The following PCDHGB3 variants were observed in gnomAD, a reference collection of about 807,000 sequenced individuals.
PCDHGB3 encodes protocadherin gamma-B3.
A neutral mutation model predicts 59.2 loss-of-function variants in PCDHGB3; 40 were observed. That is an observed-to-expected ratio of 0.68 (90% CI 0.52 to 0.88). The LOEUF is 0.88. Among genes scored for constraint, PCDHGB3 ranks in the 40% least tolerant of loss-of-function variants. The pLI is 0.00. For synonymous variants in PCDHGB3, 581 were observed against 503.6 expected (o/e 1.15, Z -2.06); for missense variants, 1,309 against 1,187.9 (o/e 1.10, Z -1.50).
At chr5:141,403,876 T>A (rs1189942027) in intron 1 of PCDHGB3, 3 of 1,613,702 alleles carry the variant, frequency 1.9e-6, no homozygotes, top group African/African-American at 1.3e-5. Flanking sequence ...AAAGTCTAGA[T>A]TATGAAGAAT....
chr5:141,417,884 C>A, intron 1 of PCDHGB3: 2 of 1,561,600 alleles, frequency 1.3e-6, no homozygotes, highest in East Asian at 2.4e-5. Flanking sequence ...CGCGCAGAGG[C>A]GCCGGGCCGG....
rs188874944 is a variant in PCDHGB3, at chr5:141,446,708, C to T, written c.2416-48099C>T. Among the ~76,000 whole-genome samples, 183 of 152,314 alleles carry T rather than the reference C, an allele frequency of 1.2e-3. 1 individual carries two copies. The highest frequency in any genetic ancestry group is 2.1e-3 in the Admixed American group (32 of 15,302). On this transcript the variant is annotated intron_variant, in intron 1 of 3. Coordinates refer to ENST00000576222, the MANE Select transcript of PCDHGB3 (RefSeq NM_018924.5). ...GGCCAGGCTGGTCTCGAACTCTGAT[C>T]TGCCCGCCTCGGCCTCCCAAAGTGT...
chr5:141,429,048 G>A (rs2097180589), intron 1 of PCDHGB3: 5 of 152,064 alleles, frequency 3.3e-5, no homozygotes, highest in Admixed American at 3.3e-4. Context: ...TACAGACGGG[G>A]TTTCACCGTG....
At chr5:141,506,923 C>T (rs1414595306) in intron 3 of PCDHGB3, among the ~76,000 whole-genome samples, 4 of 152,184 alleles carry the variant, frequency 2.6e-5, no homozygotes, top group African/African-American at 9.7e-5. Context: ...ACATACTAAA[C>T]AAACTTTAGG....
intron 1 of PCDHGB3, among the ~76,000 whole-genome samples, chr5:141,474,075 C>T (rs2099339724): frequency 6.6e-6 from 1 of 151,902 alleles, no homozygotes; most frequent in African/African-American, 2.4e-5. Flanking sequence ...GCCTCAGAAA[C>T]AAAAACCAAA....
At position 141,370,659 on chromosome 5, in the gene PCDHGB3, C is replaced by G; in HGVS notation, c.265C>G (p.Arg89Gly). The G allele has an allele frequency of 6.2e-7, 1 of 1,613,780 alleles. No homozygotes were observed. Among genetic ancestry groups the G allele is most frequent in the Non-Finnish European group, 8.5e-7 (1 of 1,179,876 alleles). ...AAATGGGAACTTACTTGTGAGCGACCGTATAGACCGAGAGGAGATTTGTGG... is the reference window on the plus strand; with the variant it reads ...AAATGGGAACTTACTTGTGAGCGACGGTATAGACCGAGAGGAGATTTGTGG... ...PENGNLLVSD[R>G]IDREEICGKK... The change falls in exon 1 of 4, where the codon CGT becomes GGT. Residue 89 changes from arginine (R) to glycine (G), a missense_variant. Arg to Gly is a moderately radical substitution (Grantham distance 125). Transcript: ENST00000576222.
rs188066304 is a variant in PCDHGB3, at chr5:141,450,907, C to T, written c.2416-43900C>T. On this transcript the variant is annotated intron_variant, in intron 1 of 3. Coordinates refer to ENST00000576222, the MANE Select transcript of PCDHGB3 (RefSeq NM_018924.5). ...TGGTGCGATATCGGCTCACTGCAAC[C>T]GCTGCCTCCCAGATTCAAGCAATTC... is the stretch of plus-strand genomic sequence containing the variant. 6.7e-3 allele frequency among the ~76,000 whole-genome samples: 1,004 copies of T among 150,024 alleles called. 12 individuals carry two copies. The highest frequency in any genetic ancestry group is 0.024 in the African/African-American group (970 of 40,702).
Position 141,409,135 on chromosome 5 carries a change from T to C in PCDHGB3, c.2415+36326T>C, listed in dbSNP as rs748247175. 3.1e-6 allele frequency: 5 copies of C among 1,614,026 alleles called. No homozygotes were observed. In the South Asian group the frequency reaches 3.3e-5, roughly 11 times the overall value. On this transcript the variant is annotated intron_variant, in intron 1 of 3. Coordinates refer to ENST00000576222, the MANE Select transcript of PCDHGB3 (RefSeq NM_018924.5). ...ATAACCAGTCATTTGATTTTGAAGA[T>C]GTAGAAAGGTACACCATGGAAGTGG...
intron 1 of PCDHGB3, among the ~76,000 whole-genome samples, chr5:141,484,202 T>C (rs2099593138): frequency 6.6e-6 from 1 of 152,214 alleles, no homozygotes; most frequent in Non-Finnish European, 1.5e-5. Context: ...ATTAAATCTA[T>C]GAACATTAGC....
rs551289441 is a variant in PCDHGB3, at chr5:141,444,102, C to T, written c.2416-50705C>T. ...TGAAAAGTCTGCTAAGGATTGGAAACCAAGAAAAGTGAAGTATCTCAACAG... is the reference window on the plus strand; with the variant it reads ...TGAAAAGTCTGCTAAGGATTGGAAATCAAGAAAAGTGAAGTATCTCAACAG... On this transcript the variant is annotated intron_variant, in intron 1 of 3. Coordinates refer to ENST00000576222, the MANE Select transcript of PCDHGB3 (RefSeq NM_018924.5). Among the ~76,000 whole-genome samples the T allele has an allele frequency of 1.5e-3, 216 of 144,128 alleles. 1 individual carries two copies. Among genetic ancestry groups the T allele is most frequent in the African/African-American group, 5.4e-3 (211 of 38,798 alleles). 94.6% of individuals were successfully genotyped at this position (144,128 alleles called of 152,430 possible).
At position 141,415,832 on chromosome 5, in the gene PCDHGB3, T is replaced by C. The variant is rs995620508; in HGVS notation, c.2415+43023T>C. On this transcript the variant is annotated intron_variant, in intron 1 of 3. Coordinates refer to ENST00000576222, the MANE Select transcript of PCDHGB3 (RefSeq NM_018924.5). ...GCCTATATATCATAAGGCTTTGTTA[T>C]GATTAGCTTTGCAGAACCTTGTAGT... 33 of 1,310,754 alleles carry C rather than the reference T, an allele frequency of 2.5e-5. No individual in the cohort carries two copies. The African/African-American group carries it at 4.7e-4, about 19-fold the overall frequency. 81.2% of individuals were successfully genotyped at this position (1,310,754 alleles called of 1,614,324 possible).
chr5:141,384,649 C>T lies in PCDHGB3; in HGVS notation c.2415+11840C>T, dbSNP rs778822731. ...GGAGCTGGCACCCCGCTCCGCAGAGCCCGGCTACCTGGTGACCAAGGTGGT... is the reference window on the plus strand; with the variant it reads ...GGAGCTGGCACCCCGCTCCGCAGAGTCCGGCTACCTGGTGACCAAGGTGGT... On this transcript the variant is annotated intron_variant, in intron 1 of 3. Transcript: ENST00000576222. The T allele has an allele frequency of 3.7e-5, 60 of 1,614,114 alleles. No homozygotes were observed. The Middle Eastern group carries it at 4.9e-4, about 13-fold the overall frequency.
chr5:141,400,062 T>A (rs2093953641), intron 1 of PCDHGB3: 2 of 1,613,652 alleles, frequency 1.2e-6, no homozygotes, highest in Middle Eastern at 1.7e-4. Flanking sequence ...TGCGTGATGG[T>A]GGACAGCCGC....
At chr5:141,413,181 C>T in intron 1 of PCDHGB3, 8 of 1,602,880 alleles carry the variant, frequency 5.0e-6, no homozygotes, top group Non-Finnish European at 6.8e-6. Context: ...CTACAATGGC[C>T]GCTCAAAGGA....
chr5:141,441,155 T>A (rs2098229690), intron 1 of PCDHGB3: 1 of 152,230 alleles, frequency 6.6e-6, no homozygotes, highest in East Asian at 1.9e-4. Flanking sequence ...GACAATATCC[T>A]AGAGGCGATT....
At position 141,385,321 on chromosome 5, in the gene PCDHGB3, C is replaced by T. The variant is rs1267234548; in HGVS notation, c.2415+12512C>T. On this transcript the variant is annotated intron_variant, in intron 1 of 3. Transcript: ENST00000576222. ...ATGTAAAGAAAACCTGCCAAGTATT[C>T]AGGTGAGCCCAGCCCTTCCTTTATT... 3.7e-6 allele frequency: 6 copies of T among 1,606,764 alleles called. No homozygotes were observed. The South Asian group carries it at 6.7e-5, about 18-fold the overall frequency.
intron 1 of PCDHGB3, chr5:141,388,450 G>GATGGCAA: frequency 6.2e-7 from 1 of 1,613,844 alleles, no homozygotes; most frequent in Non-Finnish European, 8.5e-7. Flanking sequence ...TCAGATGGCA[G>GATGGCAA]TAAATACCCT....
intron 1 of PCDHGB3, chr5:141,393,872 T>G (rs774307056): frequency 1.2e-6 from 2 of 1,613,898 alleles, no homozygotes; most frequent in Admixed American, 3.3e-5. Flanking sequence ...CGTCTTTGTT[T>G]AGCCCAGTGT....
intron 1 of PCDHGB3, chr5:141,385,418 A>C: frequency 6.8e-7 from 1 of 1,466,614 alleles, no homozygotes; most frequent in Non-Finnish European, 9.0e-7. Flanking sequence ...ATAGGGATTT[A>C]AAAAACTTTA....
Sources: allele counts gnomAD v4.1 joint callset (sites outside exome capture counted in the v4.1 genomes callset), GRCh38; gene constraint gnomAD v4.1.1; transcripts MANE v1.5; gene names NCBI Gene and HGNC (gene_info 2026-07-23, HGNC 2026-07-21).